The following RNF144A variants were observed in gnomAD, a reference collection of about 807,000 sequenced individuals.
RNF144A encodes the protein E3 ubiquitin-protein ligase RNF144A.
In RNF144A, 11 loss-of-function variants were observed where a neutral mutation model predicts 38.7. The observed-to-expected ratio is 0.28, with a 90% CI of 0.18 to 0.47. The LOEUF is 0.47. Among genes scored for constraint, RNF144A ranks in the 20% least tolerant of loss-of-function variants. The pLI is 0.99. For synonymous variants in RNF144A, 149 were observed against 143.9 expected (o/e 1.04, Z -0.25); for missense variants, 316 against 377.2 (o/e 0.84, Z 1.34).
chr2:6,932,647 C>A (rs1665275697), intron 1 of RNF144A, among the ~76,000 whole-genome samples: 2 of 152,170 alleles, frequency 1.3e-5, no homozygotes, highest in Admixed American at 1.3e-4. Context: ...GGTATCCGGT[C>A]AGATAAATCA....
intron 2 of RNF144A, among the ~76,000 whole-genome samples, chr2:6,975,186 A>G (rs567112731): frequency 3.0e-4 from 45 of 152,322 alleles, no homozygotes; most frequent in Non-Finnish European, 5.4e-4. Context: ...GGACTACGAA[A>G]GGCACATCTC....
chr2:7,050,110 G>C (rs1303350730), intron 6 of RNF144A, among the ~76,000 whole-genome samples: 1 of 152,190 alleles, frequency 6.6e-6, no homozygotes, highest in Non-Finnish European at 1.5e-5. Context: ...AGTAGGACCT[G>C]GTTCCCTGTC....
At chr2:6,961,042 C>T (rs945844901) in intron 2 of RNF144A, among the ~76,000 whole-genome samples, 19 of 151,696 alleles carry the variant, frequency 1.3e-4, no homozygotes, top group Non-Finnish European at 2.2e-4. Flanking sequence ...TGAAATGCAA[C>T]GTGGTCCTCT....
At chr2:6,992,918 A>G (rs1001520374) in intron 2 of RNF144A, among the ~76,000 whole-genome samples, 1 of 152,230 alleles carries the variant, frequency 6.6e-6, no homozygotes, top group Non-Finnish European at 1.5e-5. Flanking sequence ...TAAATTGAAT[A>G]ATACTTATAA....
chr2:7,035,549 G>A (rs1419491824), intron 8 of RNF144A, among the ~76,000 whole-genome samples: 2 of 152,192 alleles, frequency 1.3e-5, no homozygotes, highest in Non-Finnish European at 2.9e-5. Context: ...CCCAAGTCAG[G>A]TTTCATTGGC....
In RNF144A at chr2:7,040,589, G is replaced by C. The variant is rs1380670158; in HGVS notation, c.*829G>C. The C allele has an allele frequency of 5.1e-6, 5 of 985,270 alleles. No homozygotes were observed. In the East Asian group the frequency reaches 5.7e-4, roughly 112 times the overall value. The allele number at this position is 985,270 out of a possible 1,614,324, so 61.0% of individuals were successfully genotyped here. A position where few individuals can be genotyped will look rare whatever the true frequency, so the allele number is the denominator to read the frequency against. ...ATGGGCCTCATCCCTTCTCTCCCAG[G>C]TAGCAGAAAACGCTTTTTATTGTAT... On this transcript the variant is annotated 3_prime_UTR_variant, in exon 9 of 9. Coordinates refer to ENST00000320892, the MANE Select transcript of RNF144A (RefSeq NM_014746.6).
chr2:7,063,182 A>G (rs953190771), intron 6 of RNF144A, among the ~76,000 whole-genome samples: 1 of 152,224 alleles, frequency 6.6e-6, no homozygotes, highest in African/African-American at 2.4e-5. Flanking sequence ...GTTTGAAGAA[A>G]AGGCTCCTAA....
At chr2:7,016,568 T>C (rs1671153087) in intron 5 of RNF144A, among the ~76,000 whole-genome samples, 1 of 151,314 alleles carries the variant, frequency 6.6e-6, no homozygotes, top group Non-Finnish European at 1.5e-5. Flanking sequence ...AAAAAAAATC[T>C]CTCAAGCCTC....
At chr2:6,992,740 C>A (rs1479602394) in intron 2 of RNF144A, among the ~76,000 whole-genome samples, 1 of 152,172 alleles carries the variant, frequency 6.6e-6, no homozygotes, top group African/African-American at 2.4e-5. Context: ...GTCAAATAAC[C>A]ACCTTGGACC....
chr2:7,068,451 G>A (rs1236144676), downstream of RNF144A, among the ~76,000 whole-genome samples: 2 of 152,190 alleles, frequency 1.3e-5, no homozygotes, highest in South Asian at 4.1e-4. Flanking sequence ...CCCTCTGGCC[G>A]AGAGGATGGT....
At chr2:7,024,219 T>C in intron 6 of RNF144A, 150 bp from the exon 7 acceptor site, 1 of 683,106 alleles carries the variant, frequency 1.5e-6, no homozygotes, top group Non-Finnish European at 2.2e-6. Flanking sequence ...AGTTTCTGTT[T>C]CTTTGTTTTT....
At chr2:7,014,878 A>C in intron 5 of RNF144A, 106 bp downstream of exon 5, 1 of 776,450 alleles carries the variant, frequency 1.3e-6, no homozygotes, top group Non-Finnish European at 2.2e-6. Flanking sequence ...ATTTGATAGG[A>C]GTTAAAAAGT....
chr2:7,015,857 C>T (rs1671102245), intron 5 of RNF144A, among the ~76,000 whole-genome samples: 1 of 152,120 alleles, frequency 6.6e-6, no homozygotes, highest in African/African-American at 2.4e-5. Context: ...AGGGTCTCAC[C>T]ACTGAGACAC....
In RNF144A at chr2:6,943,691, G is replaced by A. The variant is rs577331520; in HGVS notation, c.-12+2544G>A. Among the ~76,000 whole-genome samples the A allele has an allele frequency of 6.6e-6, 1 of 152,280 alleles. No homozygotes were observed. Among genetic ancestry groups the A allele is most frequent in the East Asian group, 1.9e-4 (1 of 5,170 alleles). On this transcript the variant is annotated intron_variant, in intron 2 of 8. Transcript: ENST00000320892. The surrounding 1 kb of genome is among the most constrained non-coding windows in gnomAD (Gnocchi z 4.3). ...GGAGGAACACGGATAGTTACCAGTG[G>A]GGATGGACCAAATGACAGATACATG...
intron 1 of RNF144A, among the ~76,000 whole-genome samples, chr2:6,924,332 A>G (rs1664729232): frequency 6.6e-6 from 1 of 152,234 alleles, no homozygotes; most frequent in Non-Finnish European, 1.5e-5. Flanking sequence ...GATGCACGGG[A>G]AGCATAGGAC....
chr2:7,063,967 C>G (rs973932389), intron 6 of RNF144A, among the ~76,000 whole-genome samples: 1 of 152,112 alleles, frequency 6.6e-6, no homozygotes, highest in African/African-American at 2.4e-5. Context: ...AGCGTGGCAC[C>G]AGCATCTGTT....
chr2:7,059,670 GCCAGCAA>G (rs1181886521), intron 6 of RNF144A, among the ~76,000 whole-genome samples: 1 of 152,166 alleles, frequency 6.6e-6, no homozygotes, highest in Non-Finnish European at 1.5e-5. Flanking sequence ...AGGTCCAGGT[GCCAGCAA>G]CCAGAGTCCA....
At chr2:7,011,942 G>A (rs1306180105) in intron 3 of RNF144A, among the ~76,000 whole-genome samples, 2 of 152,184 alleles carry the variant, frequency 1.3e-5, no homozygotes, top group Non-Finnish European at 2.9e-5. Flanking sequence ...GACACATGAT[G>A]TTCACTCTTG....
At chr2:7,003,475 C>T (rs149271910) in intron 3 of RNF144A, among the ~76,000 whole-genome samples, 4 of 152,234 alleles carry the variant, frequency 2.6e-5, no homozygotes, top group Admixed American at 6.5e-5. Context: ...TTAGTATTGT[C>T]GTTAATATGC....
Sources: allele counts gnomAD v4.1 joint callset (sites outside exome capture counted in the v4.1 genomes callset), GRCh38; gene constraint gnomAD v4.1.1; non-coding constraint Gnocchi (gnomAD v3.1); transcripts MANE v1.5; gene names NCBI Gene and HGNC (gene_info 2026-07-23, HGNC 2026-07-21).